ANK1: variants seen among roughly 807,000 people sequenced by gnomAD.
The protein encoded by ANK1 is ankyrin 1, also known as ankyrin-1.
In ANK1, 51 loss-of-function variants were observed where a neutral mutation model predicts 210.4. The observed-to-expected ratio is 0.24, with a 90% CI of 0.19 to 0.31. ANK1 has a LOEUF of 0.31. Ranked by LOEUF, ANK1 falls within the 10% of genes least tolerant of loss-of-function variation. The pLI is 1.00. For synonymous variants in ANK1, 967 were observed against 1,025.9 expected (o/e 0.94, Z 1.10); for missense variants, 2,051 against 2,504.4 (o/e 0.82, Z 3.86).
chr8:41,736,924 C>G (rs62508183), intron 2 of ANK1, among the ~76,000 whole-genome samples: 15 of 152,184 alleles, frequency 9.9e-5, no homozygotes, highest in Non-Finnish European at 2.1e-4. Context: ...GGCCATGCAG[C>G]GTCTCCAGGG....
At chr8:41,859,340 T>G (rs183632364) in intron 1 of ANK1, among the ~76,000 whole-genome samples, 88 of 144,734 alleles carry the variant, frequency 6.1e-4, no homozygotes, top group East Asian at 5.4e-3. Context: ...TTGTTTGTGT[T>G]TGTTTGTTTG....
chr8:41,803,985 G>A (rs948761490), intron 1 of ANK1, among the ~76,000 whole-genome samples: 1 of 152,090 alleles, frequency 6.6e-6, no homozygotes, highest in Non-Finnish European at 1.5e-5. Flanking sequence ...ATTTTAATTT[G>A]CTACTGCTGC....
chr8:41,787,471 G>C (rs986691918), intron 1 of ANK1, among the ~76,000 whole-genome samples: 5 of 152,162 alleles, frequency 3.3e-5, no homozygotes, highest in Admixed American at 2.0e-4. Flanking sequence ...CAACCTGACA[G>C]GGGTAGCTGG....
intron 27 of ANK1, 44 bp downstream of exon 27, chr8:41,695,133 C>G: frequency 6.2e-7 from 1 of 1,613,232 alleles, no homozygotes; most frequent in Non-Finnish European, 8.5e-7. Flanking sequence ...TCAAACCCCT[C>G]TTCCGCAAGG....
chr8:41,864,234 A>G (rs1409141788), intron 1 of ANK1, among the ~76,000 whole-genome samples: 2 of 137,516 alleles, frequency 1.5e-5, no homozygotes, highest in Non-Finnish European at 3.1e-5. Context: ...TGGGTGACAG[A>G]GTGAGACTCT....
chr8:41,884,380 A>G (rs567471334), intron 1 of ANK1, among the ~76,000 whole-genome samples: 1 of 151,750 alleles, frequency 6.6e-6, no homozygotes, highest in Non-Finnish European at 1.5e-5. Context: ...TAAAGGCACC[A>G]CTGCATTAAA....
intron 1 of ANK1, among the ~76,000 whole-genome samples, chr8:41,879,290 T>C (rs2150830290): frequency 6.6e-6 from 1 of 152,132 alleles, no homozygotes; most frequent in Non-Finnish European, 1.5e-5. Flanking sequence ...CTCCTGCGTT[T>C]GTTGTGAGAG....
intron 1 of ANK1, among the ~76,000 whole-genome samples, chr8:41,761,135 A>G (rs1448668500): frequency 6.6e-6 from 1 of 150,612 alleles, no homozygotes; most frequent in Non-Finnish European, 1.5e-5. Context: ...ACACACACAC[A>G]CACACACATG....
At chr8:41,781,214 C>G (rs776201708) in intron 1 of ANK1, among the ~76,000 whole-genome samples, 39 of 152,114 alleles carry the variant, frequency 2.6e-4, no homozygotes, top group Admixed American at 5.9e-4. Context: ...GGAGTGGGTT[C>G]CATCTGTGGC....
intron 33 of ANK1, among the ~76,000 whole-genome samples, chr8:41,689,958 G>T (rs574449857): frequency 6.6e-6 from 1 of 152,338 alleles, no homozygotes; most frequent in African/African-American, 2.4e-5. Flanking sequence ...CAGCGTGAAT[G>T]TGCCCATCAC....
intron 24 of ANK1, 178 bp downstream of exon 24, chr8:41,697,865 C>T (rs763283600): frequency 5.9e-4 from 415 of 705,158 alleles, no homozygotes; most frequent in Middle Eastern, 1.1e-3. Context: ...GCCGCCCACC[C>T]AGCGCCACCA....
chr8:41,765,985 A>G (rs1841702658), intron 1 of ANK1, among the ~76,000 whole-genome samples: 2 of 152,202 alleles, frequency 1.3e-5, no homozygotes, highest in South Asian at 4.1e-4. Context: ...CCTAGGACAA[A>G]TCATGACTGA....
intron 1 of ANK1, among the ~76,000 whole-genome samples, chr8:41,773,559 C>T (rs1843390773): frequency 6.6e-6 from 1 of 152,148 alleles, no homozygotes; most frequent in Admixed American, 6.5e-5. Context: ...GAATTCGACT[C>T]CTAACGAGCT....
chr8:41,832,611 A>T (rs1001496839), intron 1 of ANK1, among the ~76,000 whole-genome samples: 1 of 152,188 alleles, frequency 6.6e-6, no homozygotes, highest in African/African-American at 2.4e-5. Flanking sequence ...AGTCCCCTGT[A>T]GCTGGGGAGG....
At chr8:41,735,661 G>T (rs1436511347) in intron 2 of ANK1, among the ~76,000 whole-genome samples, 2 of 152,224 alleles carry the variant, frequency 1.3e-5, no homozygotes, top group Non-Finnish European at 2.9e-5. Flanking sequence ...GGAGGTTCTT[G>T]TTCAAACACA....
chr8:41,705,289 G>C (rs962978603), intron 18 of ANK1, among the ~76,000 whole-genome samples: 10 of 152,192 alleles, frequency 6.6e-5, no homozygotes, highest in Admixed American at 5.2e-4. Context: ...GATCCTCAAG[G>C]CCATTCTAAC....
At chr8:41,745,851 A>G (rs1415123554) in intron 2 of ANK1, among the ~76,000 whole-genome samples, 1 of 152,102 alleles carries the variant, frequency 6.6e-6, no homozygotes, top group Non-Finnish European at 1.5e-5. Context: ...GTGCAGGGCC[A>G]TGCCTGGCTA....
chr8:41,833,713 G>A (rs374231289), intron 1 of ANK1, among the ~76,000 whole-genome samples: 1 of 152,204 alleles, frequency 6.6e-6, no homozygotes, highest in African/African-American at 2.4e-5. Flanking sequence ...AGGCACCACT[G>A]TGTTCCGGGC....
At chr8:41,832,578 CCTGATACCAGGGCCAG>C (rs937423761) in intron 1 of ANK1, among the ~76,000 whole-genome samples, 1 of 152,168 alleles carries the variant, frequency 6.6e-6, no homozygotes, top group Non-Finnish European at 1.5e-5. Flanking sequence ...GTGGAGTGAC[CCTGATACCAGGGCCAG>C]CTGCCCAGTC....
Sources: allele counts gnomAD v4.1 joint callset (sites outside exome capture counted in the v4.1 genomes callset), GRCh38; gene constraint gnomAD v4.1.1; transcripts MANE v1.5; gene names NCBI Gene and HGNC (gene_info 2026-07-23, HGNC 2026-07-21).